COL6A5: variants seen among roughly 807,000 people sequenced by gnomAD.
COL6A5 encodes the protein collagen type VI alpha 5 chain.
In COL6A5, 48 loss-of-function variants were observed where a neutral mutation model predicts 65.6. The ratio of observed to expected loss-of-function variants is 0.73; its 90% CI spans 0.58 to 0.93. COL6A5 has a LOEUF of 0.93. COL6A5 is among the 40% of genes least tolerant of loss of function. The pLI, the probability that COL6A5 is intolerant of heterozygous loss-of-function variation, is 0.00. For synonymous variants in COL6A5, 291 were observed against 322.8 expected (o/e 0.90, Z 1.05); for missense variants, 914 against 928.3 (o/e 0.98, Z 0.20).
exon 21 of COL6A5, chr3:130,413,560 A>C: frequency 6.5e-7 from 1 of 1,549,268 alleles, no homozygotes; most frequent in South Asian, 1.2e-5. Flanking sequence ...AGAAGGTCAA[A>C]GGGGACTCCG....
At chr3:130,484,102 GGTTCTAACCAGAATGTATAATCATCT>G in exon 8 of COL6A5, 1 of 1,566,160 alleles carries the variant, frequency 6.4e-7, no homozygotes, top group South Asian at 1.2e-5. Context: ...AATCCCATGT[GGTTCTAACCAGAATGTATAATCATCT>G]GTTAGAGGTA....
intron 5 of COL6A5, among the ~76,000 whole-genome samples, chr3:130,460,196 T>C (rs1163617010): frequency 1.3e-5 from 2 of 152,086 alleles, no homozygotes; most frequent in Non-Finnish European, 2.9e-5. Flanking sequence ...AAGGAAGAAA[T>C]CAGCAGCAGA....
At chr3:130,431,521 G>A (rs1937805755) in exon 1 of COL6A5, 1 of 1,551,530 alleles carries the variant, frequency 6.4e-7, no homozygotes, top group Non-Finnish European at 8.7e-7. Context: ...TTCCTACGAT[G>A]TCACAGAAGA....
intron 5 of COL6A5, among the ~76,000 whole-genome samples, chr3:130,385,683 A>G (rs755700560): frequency 5.3e-5 from 8 of 151,178 alleles, no homozygotes; most frequent in Non-Finnish European, 7.4e-5. Context: ...GTGTGTGTGT[A>G]TGTATGTGCA....
chr3:130,364,128 A>T (rs1935243471), intron 1 of COL6A5, among the ~76,000 whole-genome samples: 1 of 152,196 alleles, frequency 6.6e-6, no homozygotes, highest in Non-Finnish European at 1.5e-5. Flanking sequence ...CCACAGTCAT[A>T]AACTGGCACT....
chr3:130,405,669 T>G lies in COL6A5; in HGVS notation c.4353+10T>G, dbSNP rs1936963039. The G allele has an allele frequency of 6.5e-7, 1 of 1,539,076 alleles. No individual in the cohort carries two copies. Among genetic ancestry groups the G allele is most frequent in the South Asian group, 1.2e-5 (1 of 83,680 alleles). On this transcript the variant is annotated intron_variant and NMD_transcript_variant, in intron 14 of 41. Coordinates refer to the COL6A5 transcript ENST00000312481. ...GGCGTGGGGTCAGAAGGTAAGGCTC[T>G]TCTGTAAATGTTATTTCCAATTCTC...
chr3:130,369,412 G>A (rs887817120), intron 1 of COL6A5, among the ~76,000 whole-genome samples: 4 of 152,064 alleles, frequency 2.6e-5, no homozygotes, highest in African/African-American at 7.2e-5. Flanking sequence ...GAATTACACC[G>A]AGGCCTTTGC....
chr3:130,368,801 AG>A lies in COL6A5; in HGVS notation c.-28-4808del, dbSNP rs1410611175. Reference sequence around the variant, plus strand: ...CACCCACAGGATGGACAGCCAGCACAGGAAAATAAGGCTAAATAATTATCTA... The same window carrying A: ...CACCCACAGGATGGACAGCCAGCACAGAAAATAAGGCTAAATAATTATCTA... On this transcript the variant is annotated intron_variant and NMD_transcript_variant, in intron 1 of 41. Transcript: ENST00000312481. 2.6e-5 allele frequency among the ~76,000 whole-genome samples: 4 copies of A among 152,188 alleles called. No homozygotes were observed. The East Asian group carries it at 7.7e-4, about 29-fold the overall frequency.
At chr3:130,356,261 T>C (rs1332171332) in intron 1 of COL6A5, among the ~76,000 whole-genome samples, 1 of 152,108 alleles carries the variant, frequency 6.6e-6, no homozygotes, top group Admixed American at 6.5e-5. Context: ...ACTAGCATGG[T>C]GTAGAAATGC....
At chr3:130,455,797 A>G (rs1577528497) in intron 5 of COL6A5, 131 bp downstream of exon 37, 1 of 667,340 alleles carries the variant, frequency 1.5e-6, no homozygotes, top group Non-Finnish European at 2.6e-6. Context: ...TATGGTAGAT[A>G]CAACTTCTAC....
upstream of COL6A5, among the ~76,000 whole-genome samples, chr3:130,426,709 G>C (rs893890274): frequency 6.6e-6 from 1 of 152,076 alleles, no homozygotes. Flanking sequence ...AGTTATGAGC[G>C]AAAGGACTGG....
chr3:130,421,664 G>A (rs928501423), intron 27 of COL6A5, among the ~76,000 whole-genome samples: 1 of 151,924 alleles, frequency 6.6e-6, no homozygotes, highest in Non-Finnish European at 1.5e-5. Context: ...AATACTCTTG[G>A]CTTTGGTTAT....
At chr3:130,391,051 G>A (rs960149846) in intron 6 of COL6A5, 128 bp from the exon 7 acceptor site, 1 of 698,984 alleles carries the variant, frequency 1.4e-6, no homozygotes, top group Non-Finnish European at 2.4e-6. Context: ...CCACCTCTAA[G>A]AACTAAGTGA....
intron 1 of COL6A5, among the ~76,000 whole-genome samples, chr3:130,361,887 T>C (rs1935121295): frequency 6.6e-6 from 1 of 152,114 alleles, no homozygotes. Flanking sequence ...CGATGAGAAG[T>C]CTGTTCAGAT....
chr3:130,391,655 G>A, exon 7 of COL6A5: 1 of 1,551,652 alleles, frequency 6.4e-7, no homozygotes, highest in Non-Finnish European at 8.7e-7. Flanking sequence ...TGAGGGTATG[G>A]CAGGGAATAA....
At chr3:130,408,807 T>G (rs146535364) in intron 17 of COL6A5, among the ~76,000 whole-genome samples, 2,733 of 152,282 alleles carry the variant, frequency 0.018, 65 homozygotes, top group East Asian at 0.091. Context: ...GAAACTACGT[T>G]GAAATATTGG....
At chr3:130,448,176 C>T (rs1709349714) in intron 4 of COL6A5, among the ~76,000 whole-genome samples, 1 of 152,092 alleles carries the variant, frequency 6.6e-6, no homozygotes. Context: ...AGGAAGAAAA[C>T]ACCACTCCAC....
intron 13 of COL6A5, among the ~76,000 whole-genome samples, 162 bp from the exon 14 acceptor site, chr3:130,405,426 A>C (rs1497313): frequency 2.0e-5 from 3 of 152,006 alleles, no homozygotes; most frequent in African/African-American, 7.3e-5. Flanking sequence ...AAAAACAGAC[A>C]TAAATGAGTG....
Position 130,405,570 on chromosome 3 carries a change from C to G in COL6A5, c.4282-18C>G. 2.6e-6 allele frequency: 4 copies of G among 1,546,900 alleles called. No individual in the cohort carries two copies. The South Asian group carries it at 4.8e-5, about 18-fold the overall frequency. On this transcript the variant is annotated intron_variant and NMD_transcript_variant, in intron 13 of 41. Transcript: ENST00000312481. ...CAAAAACATCACTTTGGGTACCTGT[C>G]TGTGCTCCTTTTCTTAGGGAGTACG...
Sources: gnomAD v4.1 joint callset for allele counts (sites outside exome capture counted in the v4.1 genomes callset) on GRCh38, gnomAD v4.1.1 for gene constraint, MANE v1.5 for transcripts, NCBI Gene and HGNC (gene_info 2026-07-23, HGNC 2026-07-21) for gene names.